Variants in ITPR2 observed in about 807,000 individuals in gnomAD.
The protein encoded by ITPR2 is inositol 1,4,5-trisphosphate-gated calcium channel ITPR2.
A neutral mutation model predicts 317.1 loss-of-function variants in ITPR2; 207 were observed. That is an observed-to-expected ratio of 0.65 (90% CI 0.58 to 0.73). The LOEUF (loss-of-function observed/expected upper bound fraction) is 0.73. Ranked by LOEUF, ITPR2 falls within the 30% of genes least tolerant of loss-of-function variation. The pLI, the probability that ITPR2 is intolerant of heterozygous loss-of-function variation, is 0.00. For missense variants in ITPR2, 2,613 were observed against 3,284.0 expected (o/e 0.80, Z 4.99); for synonymous variants, 1,156 against 1,149.1 (o/e 1.01, Z -0.12).
chr12:26,807,379 C>G (rs543826216), intron 1 of ITPR2, among the ~76,000 whole-genome samples: 2 of 152,288 alleles, frequency 1.3e-5, no homozygotes, highest in East Asian at 1.9e-4. Context: ...CAAAGTATTT[C>G]CTTTCCCACC....
At chr12:26,510,159 T>G (rs1943300448) in intron 37 of ITPR2, among the ~76,000 whole-genome samples, 1 of 152,282 alleles carries the variant, frequency 6.6e-6, no homozygotes, top group Non-Finnish European at 1.5e-5. Context: ...CAGTTTGCTT[T>G]TACAGGAACT....
At chr12:26,505,489 A>G (rs1198002531) in intron 37 of ITPR2, among the ~76,000 whole-genome samples, 5 of 152,004 alleles carry the variant, frequency 3.3e-5, no homozygotes, top group Non-Finnish European at 2.9e-5. Flanking sequence ...CTTAATTCCT[A>G]CTTAACCTTT....
intron 10 of ITPR2, among the ~76,000 whole-genome samples, chr12:26,694,782 G>A (rs532726528): frequency 9.9e-5 from 15 of 152,270 alleles, no homozygotes; most frequent in Admixed American, 9.8e-4. Flanking sequence ...ATTATAAATA[G>A]GAGATCCAAT....
chr12:26,709,212 T>C (rs967460541), intron 9 of ITPR2, among the ~76,000 whole-genome samples: 1 of 152,260 alleles, frequency 6.6e-6, no homozygotes, highest in African/African-American at 2.4e-5. Context: ...GCACCCATTC[T>C]GTTACACTAG....
intron 2 of ITPR2, among the ~76,000 whole-genome samples, chr12:26,726,562 C>T (rs1363642593): frequency 6.6e-6 from 1 of 152,042 alleles, no homozygotes. Flanking sequence ...AAAATTCAAA[C>T]CTTATTTTCA....
At chr12:26,653,920 T>C in intron 21 of ITPR2, 56 bp downstream of exon 21, 1 of 1,495,556 alleles carries the variant, frequency 6.7e-7, no homozygotes, top group African/African-American at 1.4e-5. Context: ...AGTTTTGTTT[T>C]TTATCTTACT....
intron 39 of ITPR2, among the ~76,000 whole-genome samples, chr12:26,493,818 G>A (rs1010372163): frequency 6.6e-6 from 1 of 152,126 alleles, no homozygotes; most frequent in Non-Finnish European, 1.5e-5. Context: ...TCAACCCTAC[G>A]GGCCACTTGG....
chr12:26,393,990 T>A (rs189209734), intron 54 of ITPR2, among the ~76,000 whole-genome samples: 1 of 150,948 alleles, frequency 6.6e-6, no homozygotes, highest in Non-Finnish European at 1.5e-5. Flanking sequence ...TATTCACCAA[T>A]GCACATTATG....
intron 32 of ITPR2, among the ~76,000 whole-genome samples, chr12:26,582,317 T>A (rs1021256689): frequency 6.6e-5 from 10 of 152,172 alleles, no homozygotes. Flanking sequence ...CTCTTTACAA[T>A]AGATTGGCCA....
chr12:26,606,704 G>A (rs1591955026), intron 26 of ITPR2, among the ~76,000 whole-genome samples: 2 of 152,142 alleles, frequency 1.3e-5, no homozygotes, highest in East Asian at 3.8e-4. Context: ...GGCCAAGGTG[G>A]GAGGACTGCT....
chr12:26,460,113 T>C (rs1288818262), intron 45 of ITPR2, among the ~76,000 whole-genome samples: 1 of 152,228 alleles, frequency 6.6e-6, no homozygotes, highest in Non-Finnish European at 1.5e-5. Flanking sequence ...GCAGTGGTGA[T>C]GGATTCTCCC....
At chr12:26,572,973 G>A (rs913604698) in intron 34 of ITPR2, among the ~76,000 whole-genome samples, 8 of 119,640 alleles carry the variant, frequency 6.7e-5, no homozygotes, top group East Asian at 2.0e-4. Flanking sequence ...CATAAAATTC[G>A]TACTCAAAAG....
chr12:26,706,463 G>T (rs3782309), intron 9 of ITPR2, among the ~76,000 whole-genome samples: 12,511 of 152,010 alleles, frequency 0.082, 677 homozygotes, highest in Non-Finnish European at 0.13. Flanking sequence ...CATATGAAAC[G>T]AGTTTGTATG....
chr12:26,600,507 C>A (rs1945971425), intron 28 of ITPR2, among the ~76,000 whole-genome samples: 1 of 151,682 alleles, frequency 6.6e-6, no homozygotes, highest in East Asian at 1.9e-4. Context: ...TTCTCTGTTT[C>A]TCCTCCCTTC....
At chr12:26,417,745 T>A (rs886806346) in intron 50 of ITPR2, among the ~76,000 whole-genome samples, 5 of 152,078 alleles carry the variant, frequency 3.3e-5, no homozygotes, top group South Asian at 4.1e-4. Context: ...AACACATCTG[T>A]TTAATGGATC....
chr12:26,784,604 G>C (rs1213370527), intron 2 of ITPR2, among the ~76,000 whole-genome samples: 1 of 151,534 alleles, frequency 6.6e-6, no homozygotes, highest in African/African-American at 2.4e-5. Context: ...TCGGCCTCCC[G>C]AGGTGCCGGG....
intron 45 of ITPR2, among the ~76,000 whole-genome samples, chr12:26,460,680 A>G (rs1356006259): frequency 6.6e-6 from 1 of 152,144 alleles, no homozygotes; most frequent in Non-Finnish European, 1.5e-5. Context: ...ATATACGGTA[A>G]AAAGCAATTG....
At chr12:26,736,893 G>A (rs546363232) in intron 2 of ITPR2, among the ~76,000 whole-genome samples, 15 of 152,320 alleles carry the variant, frequency 9.8e-5, no homozygotes, top group African/African-American at 3.4e-4. Context: ...AAGGGGGAAA[G>A]CAAGCAAAAT....
intron 10 of ITPR2, among the ~76,000 whole-genome samples, chr12:26,691,949 G>T (rs961019840): frequency 6.6e-6 from 1 of 151,920 alleles, no homozygotes; most frequent in South Asian, 2.1e-4. Flanking sequence ...TTCTCTTGCC[G>T]AGGTTCCTTA....
Sources: allele counts gnomAD v4.1 joint callset (sites outside exome capture counted in the v4.1 genomes callset), GRCh38; gene constraint gnomAD v4.1.1; transcripts MANE v1.5; gene names NCBI Gene and HGNC (gene_info 2026-07-23, HGNC 2026-07-21).